NALF1: variants seen among roughly 807,000 people sequenced by gnomAD.
NALF1 encodes the protein NALCN channel auxiliary factor 1.
NALF1 carries 3 observed loss-of-function variants against 48.4 expected under a neutral mutation model. The observed-to-expected ratio is 0.06, with a 90% CI of 0.03 to 0.16. The LOEUF (loss-of-function observed/expected upper bound fraction) is 0.16, where lower values mean the gene tolerates loss of function less well. NALF1 is among the 10% of genes least tolerant of loss of function. The pLI is 1.00. For missense variants in NALF1, 526 were observed against 571.5 expected (o/e 0.92, Z 0.81); for synonymous variants, 262 against 245.7 (o/e 1.07, Z -0.62).
intron 1 of NALF1, among the ~76,000 whole-genome samples, chr13:107,607,527 T>C (rs923523151): frequency 6.6e-6 from 1 of 152,210 alleles, no homozygotes; most frequent in South Asian, 2.1e-4. Flanking sequence ...GTTGTTGTTG[T>C]TGTTGTTTTT....
intron 1 of NALF1, among the ~76,000 whole-genome samples, chr13:107,720,150 T>G (rs1875940358): frequency 1.3e-5 from 2 of 152,300 alleles, no homozygotes; most frequent in South Asian, 4.1e-4. Flanking sequence ...TGCCACTCAT[T>G]AAACATGTAC....
At chr13:107,366,791 C>T (rs1051327416) in intron 1 of NALF1, among the ~76,000 whole-genome samples, 2 of 152,218 alleles carry the variant, frequency 1.3e-5, no homozygotes, top group African/African-American at 4.8e-5. Context: ...TATTGTTGAT[C>T]TGTTGCCCTC....
intron 1 of NALF1, among the ~76,000 whole-genome samples, chr13:107,556,679 G>GT (rs56175606): frequency 0.72 from 109,530 of 151,806 alleles, 39,895 homozygotes; most frequent in East Asian, 0.8. Context: ...TAGAGACGGG[G>GT]TTCACCATGT....
At chr13:107,592,165 T>C (rs571006603) in intron 1 of NALF1, among the ~76,000 whole-genome samples, 5 of 152,104 alleles carry the variant, frequency 3.3e-5, no homozygotes, top group Admixed American at 2.0e-4. Context: ...ATATTCTTAA[T>C]GACTTGTTAG....
intron 1 of NALF1, among the ~76,000 whole-genome samples, chr13:107,788,010 C>T (rs1172146752): frequency 6.6e-6 from 1 of 152,182 alleles, no homozygotes; most frequent in Non-Finnish European, 1.5e-5. Flanking sequence ...TCAAAGTCAG[C>T]GTGTCCTGAG....
At chr13:107,752,943 A>G (rs1269244055) in intron 1 of NALF1, among the ~76,000 whole-genome samples, 2 of 152,230 alleles carry the variant, frequency 1.3e-5, no homozygotes, top group Non-Finnish European at 2.9e-5. Flanking sequence ...CATTAGTACC[A>G]TGCGAAAATT....
At chr13:107,790,513 CTGA>C (rs1388263835) in intron 1 of NALF1, among the ~76,000 whole-genome samples, 4 of 152,114 alleles carry the variant, frequency 2.6e-5, no homozygotes, top group African/African-American at 7.2e-5. Context: ...TGAAGTTTTA[CTGA>C]TGATGATGAA....
Position 107,166,293 on chromosome 13 carries a change from C to G in NALF1, c.*4204G>C, listed in dbSNP as rs1878657601. Reference sequence around the variant, plus strand: ...AATTAGCCAGGCGTGGTGGCACAAGCCTGTAGTCCCAGCTACTCGAGAGGC... The same window carrying G: ...AATTAGCCAGGCGTGGTGGCACAAGGCTGTAGTCCCAGCTACTCGAGAGGC... On this transcript the variant is annotated 3_prime_UTR_variant, in exon 3 of 3. Transcript: ENST00000375915. 6.6e-6 allele frequency: 1 copy of G among 152,222 alleles called. No individual in the cohort carries two copies. Among genetic ancestry groups the G allele is most frequent in the Non-Finnish European group, 1.5e-5 (1 of 68,106 alleles). 9.4% of individuals were successfully genotyped at this position (152,222 alleles called of 1,614,324 possible).
At chr13:107,726,923 G>A (rs1179012590) in intron 1 of NALF1, among the ~76,000 whole-genome samples, 1 of 148,128 alleles carries the variant, frequency 6.8e-6, no homozygotes, top group Non-Finnish European at 1.5e-5. Context: ...TTGTGTGTGT[G>A]TGTGTGTGTG....
intron 1 of NALF1, among the ~76,000 whole-genome samples, chr13:107,416,879 C>A (rs920030140): frequency 3.9e-5 from 6 of 152,174 alleles, no homozygotes; most frequent in Non-Finnish European, 8.8e-5. Flanking sequence ...TATTTCAACT[C>A]GACTTTATTC....
chr13:107,299,013 G>A (rs780339977), intron 1 of NALF1, among the ~76,000 whole-genome samples: 1 of 152,030 alleles, frequency 6.6e-6, no homozygotes, highest in Non-Finnish European at 1.5e-5. Flanking sequence ...TTTTATGTAT[G>A]TCTTATTCTC....
At chr13:107,694,443 T>A (rs953257930) in intron 1 of NALF1, among the ~76,000 whole-genome samples, 2 of 152,184 alleles carry the variant, frequency 1.3e-5, no homozygotes, top group African/African-American at 4.8e-5. Context: ...AAATCAATTG[T>A]CAAGACAATG....
At chr13:107,470,788 ATAT>A (rs1885087906) in intron 1 of NALF1, among the ~76,000 whole-genome samples, 1 of 152,164 alleles carries the variant, frequency 6.6e-6, no homozygotes, top group African/African-American at 2.4e-5. Flanking sequence ...TTATATAGTC[ATAT>A]TATTATAATA....
intron 1 of NALF1, among the ~76,000 whole-genome samples, chr13:107,741,657 T>A (rs1309791953): frequency 6.6e-6 from 1 of 152,176 alleles, no homozygotes; most frequent in Non-Finnish European, 1.5e-5. Flanking sequence ...TAGTTGGAAT[T>A]GACAGGTGTA....
chr13:107,813,530 TA>T (rs1261500270), intron 1 of NALF1, among the ~76,000 whole-genome samples: 4 of 152,202 alleles, frequency 2.6e-5, no homozygotes, highest in African/African-American at 9.7e-5. Flanking sequence ...TAACAGGTAC[TA>T]TTTATTACAA....
intron 1 of NALF1, among the ~76,000 whole-genome samples, chr13:107,864,459 C>T (rs1880656407): frequency 1.3e-5 from 2 of 152,168 alleles, no homozygotes; most frequent in African/African-American, 4.8e-5. Context: ...TTGATCTATA[C>T]CACCCTTGAC....
At chr13:107,400,487 G>A (rs369350073) in intron 1 of NALF1, among the ~76,000 whole-genome samples, 11 of 151,936 alleles carry the variant, frequency 7.2e-5, no homozygotes, top group African/African-American at 2.4e-4. Flanking sequence ...AGGCTGAGGC[G>A]GGCAGATCAC....
At chr13:107,419,419 T>C (rs1884147202) in intron 1 of NALF1, among the ~76,000 whole-genome samples, 1 of 152,176 alleles carries the variant, frequency 6.6e-6, no homozygotes, top group African/African-American at 2.4e-5. Flanking sequence ...AATCCTGTCA[T>C]GAACAGAAAA....
chr13:107,737,811 C>T (rs1394867579), intron 1 of NALF1, among the ~76,000 whole-genome samples: 1 of 152,136 alleles, frequency 6.6e-6, no homozygotes, highest in African/African-American at 2.4e-5. Context: ...GTCTGGGGTT[C>T]TGTATGCCTA....
Sources: allele counts gnomAD v4.1 joint callset (sites outside exome capture counted in the v4.1 genomes callset), GRCh38; gene constraint gnomAD v4.1.1; transcripts MANE v1.5; gene names NCBI Gene and HGNC (gene_info 2026-07-23, HGNC 2026-07-21).